SUN2: variants seen among roughly 807,000 people sequenced by gnomAD.
SUN2 encodes the protein SUN domain-containing protein 2.
SUN2 carries 60 observed loss-of-function variants against 100.0 expected under a neutral mutation model. The ratio of observed to expected loss-of-function variants is 0.60; its 90% CI spans 0.49 to 0.74. The LOEUF (loss-of-function observed/expected upper bound fraction) is 0.74. Among genes scored for constraint, SUN2 ranks in the 30% least tolerant of loss-of-function variants. SUN2 has a pLI of 0.00. For synonymous variants in SUN2, 367 were observed against 403.3 expected, an observed-to-expected ratio of 0.91 and a Z score of 1.08; for missense variants, 834 against 954.6, an observed-to-expected ratio of 0.87 and a Z score of 1.66.
chr22:38,745,033 A>G (rs1394179516), intron 8 of SUN2: 1 of 470,990 alleles, frequency 2.1e-6, no homozygotes, highest in African/African-American at 2.0e-5. Context: ...TTGAATCTGG[A>G]TTTGGCTCTG....
Position 38,738,229 on chromosome 22 carries a change from G to A in SUN2, c.1984C>T (p.Leu662Phe). Reference sequence around the variant, plus strand: ...TCCTGATCGTAAGTGAACTTGCCAAGGAGTGTCCCCTCCTGCTGCAGGTCT... The same window carrying A: ...TCCTGATCGTAAGTGAACTTGCCAAAGAGTGTCCCCTCCTGCTGCAGGTCT... Reference protein sequence around the residue: ...DEDLQQEGTLLGKFTYDQDGE... With the variant: ...DEDLQQEGTLFGKFTYDQDGE... Residue 662 changes from leucine to phenylalanine, a missense_variant, in exon 17 of 18, where the codon CTT (leucine) becomes TTT (phenylalanine). Around this residue, in one of 3 missense-constraint regions of SUN2, gnomAD observed 80 missense variants for 76.7 expected, o/e 1.04. Coordinates refer to ENST00000689035, the MANE Select transcript of SUN2 (RefSeq NM_015374.3). This position sits in a 1 kb window ranked among gnomAD's most constrained non-coding sequence, Gnocchi z 6.6. 6.2e-7 allele frequency: 1 copy of A among 1,613,980 alleles called. No homozygotes were observed. The highest frequency in any genetic ancestry group is 2.2e-5 in the East Asian group (1 of 44,868).
chr22:38,751,021 C>A lies in SUN2; in HGVS notation c.301G>T (p.Val101Leu). Residue 101 changes from valine to leucine, a missense_variant, in exon 4 of 18, where the codon GTG (valine) becomes TTG (leucine). Coordinates refer to ENST00000689035, the MANE Select transcript of SUN2 (RefSeq NM_015374.3). ...CCACCCGTGCCTCTCCTCCTCCGCA[C>A]CCGCAGGTCCTCACCTGTGCAGGGA... Reference protein sequence around the residue: ...GDANWGEDLRVRRRRGTGGSE... With the variant: ...GDANWGEDLRLRRRRGTGGSE... 6.2e-7 allele frequency: 1 copy of A among 1,613,284 alleles called. No individual in the cohort carries two copies. Among genetic ancestry groups the A allele is most frequent in the Non-Finnish European group, 8.5e-7 (1 of 1,179,704 alleles).
intron 8 of SUN2, among the ~76,000 whole-genome samples, chr22:38,744,916 G>A (rs565747641): frequency 6.6e-6 from 1 of 152,304 alleles, no homozygotes; most frequent in South Asian, 2.1e-4. Context: ...TTAGACTCTG[G>A]CAGATTATAA....
At chr22:38,744,989 C>G (rs991542344) in intron 8 of SUN2, 27 of 467,940 alleles carry the variant, frequency 5.8e-5, no homozygotes, top group Admixed American at 5.4e-4. Flanking sequence ...CTTGTGGGCT[C>G]TCTTGCTGAG....
rs2092897550 is a variant in SUN2 at position 38,745,590 on chromosome 22, G to T, written c.813+94C>A. ...CTAACAGTACGCCTCAGCTTTGTGT[G>T]TACGGTGTGAGGCAGGCTGAGGGCG... is the stretch of plus-strand genomic sequence containing the variant. On this transcript the variant is annotated intron_variant, in intron 8 of 17. Coordinates refer to ENST00000689035, the MANE Select transcript of SUN2 (RefSeq NM_015374.3). 22 of 1,514,078 alleles carry T rather than the reference G, an allele frequency of 1.5e-5. No homozygotes were observed. The South Asian group carries it at 2.3e-4, about 16-fold the overall frequency. The allele number at this position is 1,514,078 out of a possible 1,614,324, so 93.8% of individuals were successfully genotyped here.
At chr22:38,747,909 C>G (rs780513713) in intron 7 of SUN2, among the ~76,000 whole-genome samples, 1 of 152,148 alleles carries the variant, frequency 6.6e-6, no homozygotes, top group Non-Finnish European at 1.5e-5. Flanking sequence ...TGCCACTGCA[C>G]TTCAGCTGGG....
In SUN2 at chr22:38,740,937, C is replaced by T; in HGVS notation, c.1190+70G>A. On this transcript the variant is annotated intron_variant, in intron 11 of 17. Coordinates refer to ENST00000689035, the MANE Select transcript of SUN2 (RefSeq NM_015374.3). The surrounding 1 kb of genome is among the most constrained non-coding windows in gnomAD (Gnocchi z 4.8). Reference sequence around the variant, plus strand: ...AACTCTCTGCTCTGCGGCTCTGCTCCCCAGTCCTGCCTGGAGAGTGGGTGG... The same window carrying T: ...AACTCTCTGCTCTGCGGCTCTGCTCTCCAGTCCTGCCTGGAGAGTGGGTGG... 1 of 1,479,928 alleles carries T rather than the reference C, an allele frequency of 6.8e-7. No homozygotes were observed. The highest frequency in any genetic ancestry group is 1.2e-5 in the South Asian group (1 of 83,008). 91.7% of individuals were successfully genotyped at this position (1,479,928 alleles called of 1,614,324 possible).
At chr22:38,736,983 A>G (rs2092811235) in intron 17 of SUN2, among the ~76,000 whole-genome samples, 1 of 152,160 alleles carries the variant, frequency 6.6e-6, no homozygotes, top group South Asian at 2.1e-4. Context: ...AGCTGGGACC[A>G]CAGGTGCATG....
intron 17 of SUN2, chr22:38,736,838 G>A: frequency 6.5e-6 from 1 of 154,812 alleles, no homozygotes; most frequent in East Asian, 1.9e-4. Context: ...ACATCGTTCT[G>A]TCCTCTACCC....
Position 38,742,569 on chromosome 22 carries a change from G to A in SUN2, c.814-14C>T. 6.2e-7 allele frequency: 1 copy of A among 1,601,702 alleles called. No homozygotes were observed. Among genetic ancestry groups the A allele is most frequent in the Non-Finnish European group, 8.5e-7 (1 of 1,172,362 alleles). On this transcript the variant is annotated splice_polypyrimidine_tract_variant and intron_variant, in intron 8 of 17. Transcript: ENST00000689035. ...ACGCTGCTCAGCCTGGAAGGGCAGA[G>A]AGAGAGCCACGGAGTGAGGGACCCT...
In SUN2 at chr22:38,738,684, G is replaced by T; in HGVS notation, c.1850C>A (p.Ala617Asp). 1 of 1,613,860 alleles carries T rather than the reference G, an allele frequency of 6.2e-7. No homozygotes were observed. Among genetic ancestry groups the T allele is most frequent in the South Asian group, 1.1e-5 (1 of 91,092 alleles). Residue 617 changes from alanine (A) to aspartate (D), a missense_variant, in exon 16 of 18, where the codon GCC becomes GAC. Ala to Asp is a moderately radical substitution (Grantham distance 126). Transcript: ENST00000689035. The surrounding 1 kb of genome is among the most constrained non-coding windows in gnomAD (Gnocchi z 6.6). ...GGTAACGGCTGTGGGGCGGATGCGGGCAGAGAGGCGGACCACGGCGAAGCC... is the reference window on the plus strand; with the variant it reads ...GGTAACGGCTGTGGGGCGGATGCGGTCAGAGAGGCGGACCACGGCGAAGCC... ...PQGFAVVRLS[A>D]RIRPTAVTLE...
At position 38,752,680 on chromosome 22, in the gene SUN2, G is replaced by A; in HGVS notation, c.-37-15C>T. 6.2e-7 allele frequency: 1 copy of A among 1,600,438 alleles called. No homozygotes were observed. Among genetic ancestry groups the A allele is most frequent in the South Asian group, 1.1e-5 (1 of 89,848 alleles). On this transcript the variant is annotated splice_polypyrimidine_tract_variant and intron_variant, in intron 1 of 17. Transcript: ENST00000689035. ...CTGAAGAGAATCTAAGGAGAGAGAGGAGGAGGACTGGATGTGAGGCCTGGG... is the reference window on the plus strand; with the variant it reads ...CTGAAGAGAATCTAAGGAGAGAGAGAAGGAGGACTGGATGTGAGGCCTGGG...
At chr22:38,744,213 C>G (rs1362182699) in intron 8 of SUN2, among the ~76,000 whole-genome samples, 1 of 146,116 alleles carries the variant, frequency 6.8e-6, no homozygotes, top group Non-Finnish European at 1.5e-5. Flanking sequence ...GCACTCCAGC[C>G]TGGGTGACGC....
intron 2 of SUN2, among the ~76,000 whole-genome samples, chr22:38,751,895 C>T (rs757581240): frequency 1.5e-4 from 23 of 152,232 alleles, no homozygotes; most frequent in Non-Finnish European, 2.4e-4. Context: ...TCCTGTGAGC[C>T]CAGCCTGCAG....
intron 3 of SUN2, 56 bp downstream of exon 3, chr22:38,751,154 G>T (rs1192889939): frequency 5.6e-6 from 9 of 1,604,900 alleles, no homozygotes; most frequent in Non-Finnish European, 7.7e-6. Flanking sequence ...ACTGTGAGGA[G>T]TATCTCGCGG....
rs1453579360 is a variant in SUN2, at chr22:38,740,971, A to G, written c.1190+36T>C. The G allele has an allele frequency of 6.4e-7, 1 of 1,572,922 alleles. No individual in the cohort carries two copies. Among genetic ancestry groups the G allele is most frequent in the South Asian group, 1.2e-5 (1 of 86,012 alleles). On this transcript the variant is annotated intron_variant, in intron 11 of 17. Coordinates refer to ENST00000689035, the MANE Select transcript of SUN2 (RefSeq NM_015374.3). The surrounding 1 kb of genome is among the most constrained non-coding windows in gnomAD (Gnocchi z 4.8). ...GCCTGGAGAGTGGGTGGGGCTGGGG[A>G]GGAGCAGGCCGAGGCCAGCTGGTGG... is the stretch of plus-strand genomic sequence containing the variant.
chr22:38,751,341 C>A lies in SUN2; in HGVS notation c.155G>T (p.Arg52Leu). 6.2e-7 allele frequency: 1 copy of A among 1,613,940 alleles called. No individual in the cohort carries two copies. Among genetic ancestry groups the A allele is most frequent in the Non-Finnish European group, 8.5e-7 (1 of 1,180,018 alleles). The part of the protein sequence containing the change: ...TLKRKSSNMK[R>L]LSPAPQLGPS... Reference sequence around the variant, plus strand: ...GCCCAGCTGTGGCGCTGGGGACAGGCGCTTCATGTTGCTGGATTTCCTCTT... The same window carrying A: ...GCCCAGCTGTGGCGCTGGGGACAGGAGCTTCATGTTGCTGGATTTCCTCTT... The change falls in exon 3 of 18, where the codon CGC (arginine) becomes CTC (leucine). Residue 52 changes from arginine to leucine, a missense_variant. Physicochemically the swap from Arg to Leu is moderately radical, Grantham distance 102. This residue lies in a region of SUN2 where 559 missense variants were observed against 597.7 expected (regional missense o/e 0.94). Transcript: ENST00000689035.
In SUN2 at chr22:38,738,833, G is replaced by A; in HGVS notation, c.1779+40C>T. The stretch of plus-strand genomic sequence containing the variant: ...ACCCCAGATGGGACCAGCCCTCAGT[G>A]TGCTCAGAGCCCCCGCTGCTGTGCT... On this transcript the variant is annotated intron_variant, in intron 15 of 17. Transcript: ENST00000689035. The surrounding 1 kb of genome is among the most constrained non-coding windows in gnomAD (Gnocchi z 6.6). The A allele has an allele frequency of 6.3e-7, 1 of 1,595,800 alleles. No homozygotes were observed. Among genetic ancestry groups the A allele is most frequent in the Non-Finnish European group, 8.6e-7 (1 of 1,168,302 alleles).
Position 38,751,247 on chromosome 22 carries a change from C to G in SUN2, c.249G>C (p.Arg83Ser). ...CACCATGCAGTTCCTCCAGGGAGCT[C>G]CTGGGTGGGAACCAGGACTCGTGGA... ...SLVHESWFPP[R>S]SSLEELHGDA... The change falls in exon 3 of 18, where the codon AGG becomes AGC. Residue 83 changes from arginine to serine, a missense_variant. Transcript: ENST00000689035. The G allele has an allele frequency of 6.2e-7, 1 of 1,613,924 alleles. No individual in the cohort carries two copies. The highest frequency in any genetic ancestry group is 8.5e-7 in the Non-Finnish European group (1 of 1,179,828).
Sources: gnomAD v4.1 joint callset for allele counts (sites outside exome capture counted in the v4.1 genomes callset) on GRCh38, gnomAD v4.1.1 for gene constraint, gnomAD v4.1.1 regional missense constraint, Gnocchi (gnomAD v3.1) non-coding constraint, MANE v1.5 for transcripts, NCBI Gene and HGNC (gene_info 2026-07-23, HGNC 2026-07-21) for gene names.